Variants in IRAG2 observed in about 807,000 individuals in gnomAD.
The protein encoded by IRAG2 is inositol 1,4,5-triphosphate receptor associated 2.
IRAG2 carries 45 observed loss-of-function variants against 69.9 expected under a neutral mutation model. The ratio of observed to expected loss-of-function variants is 0.64; its 90% CI spans 0.51 to 0.83. The LOEUF is 0.83. IRAG2 is among the 40% of genes least tolerant of loss of function. The pLI is 0.00. For missense variants in IRAG2, 520 were observed against 587.0 expected (o/e 0.89, Z 1.18); for synonymous variants, 193 against 202.4 (o/e 0.95, Z 0.40).
At chr12:25,043,554 C>G (rs888993656) in intron 16 of IRAG2, among the ~76,000 whole-genome samples, 3 of 152,076 alleles carry the variant, frequency 2.0e-5, no homozygotes, top group Non-Finnish European at 4.4e-5. Context: ...GATTATGTAT[C>G]CAATGTTTCA....
intron 3 of IRAG2, chr12:25,015,155 G>GT (rs11352951): frequency 0.059 from 52,573 of 888,890 alleles, 1,347 homozygotes; most frequent in African/African-American, 0.22. Context: ...CACTGGTTTT[G>GT]TTTTTTTTTT....
upstream of IRAG2, among the ~76,000 whole-genome samples, chr12:25,001,833 G>T (rs570691637): frequency 1.3e-5 from 2 of 149,094 alleles, no homozygotes; most frequent in East Asian, 4.0e-4. Flanking sequence ...ACAGTGGCAC[G>T]ATCTCAGCTC....
chr12:25,046,535 A>G (rs145709941), intron 16 of IRAG2, among the ~76,000 whole-genome samples: 84 of 152,306 alleles, frequency 5.5e-4, no homozygotes, highest in African/African-American at 1.9e-3. Flanking sequence ...AATTTCGTTT[A>G]TATATGAGCA....
intron 12 of IRAG2, among the ~76,000 whole-genome samples, chr12:25,033,536 T>C (rs1393777223): frequency 1.3e-5 from 2 of 152,250 alleles, no homozygotes; most frequent in African/African-American, 2.4e-5. Flanking sequence ...GGACCTAATC[T>C]GGCCACATCT....
At chr12:25,061,078 A>C (rs1945603782) in intron 1 of IRAG2, among the ~76,000 whole-genome samples, 1 of 152,212 alleles carries the variant, frequency 6.6e-6, no homozygotes, top group Non-Finnish European at 1.5e-5. Flanking sequence ...ATAATGGCTT[A>C]TCTGTTCTAG....
At position 25,008,502 on chromosome 12, in the gene IRAG2, G is replaced by A. The variant is rs374866835; in HGVS notation, c.689-2842G>A. Among the ~76,000 whole-genome samples, 38 of 152,176 alleles carry A rather than the reference G, an allele frequency of 2.5e-4. 1 individual carries two copies. In the South Asian group the frequency reaches 7.3e-3, roughly 29 times the overall value. ...GCCTGTAATCCCAGCACTTTGGGAG[G>A]CTGAGGTGGGCAGATCACTTGAAGC... On this transcript the variant is annotated intron_variant, in intron 2 of 38. Coordinates refer to the IRAG2 transcript ENST00000636465.
chr12:25,021,488 T>C (rs1258082943), intron 7 of IRAG2, among the ~76,000 whole-genome samples: 3 of 152,226 alleles, frequency 2.0e-5, no homozygotes, highest in Admixed American at 1.3e-4. Flanking sequence ...TGCAGGTTAC[T>C]GAGAAGCTCC....
rs1425343046 is a variant in IRAG2 at position 25,077,277 on chromosome 12, AATATATATG to A, written c.25-1958_25-1950del. ...TGATATATATATGAAATATATATGA[AATATATATG>A]ATATATATATGAAATATATATGATA... is the stretch of plus-strand genomic sequence containing the variant. On this transcript the variant is annotated intron_variant, in intron 6 of 21. Coordinates refer to ENST00000556887, the MANE Select transcript of IRAG2 (RefSeq NM_001366544.2). Among the ~76,000 whole-genome samples, 65 of 21,768 alleles carry A rather than the reference AATATATATG, an allele frequency of 3.0e-3. 7 individuals are homozygous for A. The East Asian group carries it at 0.033, about 11-fold the overall frequency. 14.3% of individuals were successfully genotyped at this position (21,768 alleles called of 152,430 possible).
chr12:25,097,493 G>C (rs1325601615), intron 15 of IRAG2: 4 of 152,386 alleles, frequency 2.6e-5, no homozygotes, highest in Admixed American at 2.6e-4. Context: ...GTATTTTTCT[G>C]TTATAAACAA....
intron 2 of IRAG2, among the ~76,000 whole-genome samples, chr12:25,010,971 A>G (rs534013240): frequency 6.6e-6 from 1 of 152,202 alleles, no homozygotes; most frequent in Non-Finnish European, 1.5e-5. Context: ...AACTTCCTTC[A>G]TTGAAGGCTT....
chr12:25,066,229 G>A, intron 4 of IRAG2, 136 bp from the exon 5 acceptor site: 1 of 387,608 alleles, frequency 2.6e-6, no homozygotes, highest in East Asian at 3.7e-5. Context: ...GGCATCAAGG[G>A]AGTTTATGTT....
At chr12:25,080,393 C>T (rs1947120670) in intron 9 of IRAG2, among the ~76,000 whole-genome samples, 1 of 150,524 alleles carries the variant, frequency 6.6e-6, no homozygotes, top group Admixed American at 6.6e-5. Flanking sequence ...GTTGTGTCGC[C>T]CAGGCTGCAG....
intron 16 of IRAG2, among the ~76,000 whole-genome samples, chr12:25,046,706 C>T (rs908131132): frequency 5.3e-5 from 8 of 152,056 alleles, no homozygotes; most frequent in South Asian, 2.1e-4. Context: ...AGGCATCCTA[C>T]GTTCATAGAT....
chr12:25,061,466 A>G, intron 1 of IRAG2, 126 bp from the exon 2 acceptor site: 1 of 393,940 alleles, frequency 2.5e-6, no homozygotes, highest in Non-Finnish European at 4.5e-6. Flanking sequence ...CAGAGTTTGC[A>G]GTGAGGTGAG....
chr12:25,085,291 G>A (rs1947497498), intron 10 of IRAG2, among the ~76,000 whole-genome samples: 1 of 152,220 alleles, frequency 6.6e-6, no homozygotes, highest in Admixed American at 6.5e-5. Context: ...TGGTGGAGGT[G>A]GCTCTCAGTA....
At chr12:25,064,209 G>T (rs1220900035) in intron 4 of IRAG2, among the ~76,000 whole-genome samples, 4 of 152,168 alleles carry the variant, frequency 2.6e-5, no homozygotes, top group African/African-American at 4.8e-5. Context: ...AGTCAAAGAT[G>T]ATTCCATGGA....
intron 4 of IRAG2, among the ~76,000 whole-genome samples, chr12:25,066,014 C>T (rs115106764): frequency 0.014 from 2,127 of 152,214 alleles, 31 homozygotes; most frequent in African/African-American, 0.039. Flanking sequence ...GATTTTCACC[C>T]GCTGGCTGTA....
At chr12:25,087,174 T>TG (rs1409760406) in intron 10 of IRAG2, among the ~76,000 whole-genome samples, 12 of 124,388 alleles carry the variant, frequency 9.6e-5, no homozygotes, top group African/African-American at 3.7e-4. Context: ...TTTTTTTTTT[T>TG]TTTTTTTTGT....
intron 10 of IRAG2, chr12:25,030,948 TTAGA>T (rs1565530091): frequency 2.4e-6 from 2 of 830,808 alleles, no homozygotes; most frequent in African/African-American, 1.8e-5. Context: ...GATTGATTGA[TTAGA>T]TAGATACATA....
Sources: gnomAD v4.1 joint callset for allele counts (sites outside exome capture counted in the v4.1 genomes callset) on GRCh38, gnomAD v4.1.1 for gene constraint, MANE v1.5 for transcripts, NCBI Gene and HGNC (gene_info 2026-07-23, HGNC 2026-07-21) for gene names.